Variants in WDPCP observed in about 807,000 individuals in gnomAD.
WDPCP encodes WD repeat containing planar cell polarity effector.
WDPCP carries 71 observed loss-of-function variants against 93.1 expected under a neutral mutation model. That is an observed-to-expected ratio of 0.76 (90% CI 0.63 to 0.93). The LOEUF is 0.93. Ranked by LOEUF, WDPCP falls within the 40% of genes least tolerant of loss-of-function variation. The pLI is 0.00. For missense variants in WDPCP, 844 were observed against 887.4 expected (o/e 0.95, Z 0.62); for synonymous variants, 315 against 315.0 (o/e 1.00, Z 0.00).
chr2:63,335,653 T>C (rs1354269278), intron 12 of WDPCP, among the ~76,000 whole-genome samples: 1 of 152,120 alleles, frequency 6.6e-6, no homozygotes, highest in East Asian at 1.9e-4. Context: ...TTTTTGTGTG[T>C]TGATCCTGTA....
intron 15 of WDPCP, among the ~76,000 whole-genome samples, chr2:63,162,855 G>C (rs1301951222): frequency 6.6e-6 from 1 of 152,004 alleles, no homozygotes; most frequent in African/African-American, 2.4e-5. Flanking sequence ...TATAGATAAG[G>C]CTTTATACAT....
At chr2:63,169,363 T>C (rs1673216776) in intron 15 of WDPCP, among the ~76,000 whole-genome samples, 2 of 152,258 alleles carry the variant, frequency 1.3e-5, no homozygotes, top group Non-Finnish European at 2.9e-5. Context: ...CACTGAGTTT[T>C]TGAAAACTGT....
Position 63,329,780 on chromosome 2 carries a change from C to T in WDPCP, c.1749-16469G>A, listed in dbSNP as rs547046431. On this transcript the variant is annotated intron_variant, in intron 12 of 17. Coordinates refer to ENST00000272321, the MANE Select transcript of WDPCP (RefSeq NM_015910.7). ...ATTTCCCTAACTTTCTGGTAACCAC[C>T]ATCCTATTCTGTATTACTATGAGTG... 1.4e-4 allele frequency among the ~76,000 whole-genome samples: 22 copies of T among 152,234 alleles called. No homozygotes were observed. The East Asian group carries it at 4.1e-3, about 28-fold the overall frequency.
At chr2:63,144,259 TTTTTATTTTATTTTA>T (rs58606765) in intron 17 of WDPCP, among the ~76,000 whole-genome samples, 3,637 of 147,952 alleles carry the variant, frequency 0.025, 77 homozygotes, top group Non-Finnish European at 0.034. Flanking sequence ...GCATTTACCC[TTTTTATTTTATTTTA>T]TTTTATTTTA....
intron 2 of WDPCP, among the ~76,000 whole-genome samples, chr2:63,670,592 G>A (rs1455645837): frequency 6.6e-6 from 1 of 152,142 alleles, no homozygotes; most frequent in Non-Finnish European, 1.5e-5. Context: ...GTGCCCAAGG[G>A]TGAGTGTGTA....
chr2:63,453,886 T>C (rs1037660211), intron 6 of WDPCP, among the ~76,000 whole-genome samples: 27 of 141,256 alleles, frequency 1.9e-4, no homozygotes, highest in African/African-American at 5.7e-4. Flanking sequence ...TAGGTGGGAA[T>C]TGAACAATGA....
At chr2:63,309,691 T>C (rs978085336) in intron 13 of WDPCP, among the ~76,000 whole-genome samples, 17 of 152,168 alleles carry the variant, frequency 1.1e-4, no homozygotes, top group African/African-American at 3.9e-4. Context: ...ATATAAGACA[T>C]TTTCTAGGAT....
chr2:63,311,990 A>G (rs1450006899), intron 13 of WDPCP, among the ~76,000 whole-genome samples: 1 of 152,114 alleles, frequency 6.6e-6, no homozygotes, highest in African/African-American at 2.4e-5. Context: ...AGGTGGAGAT[A>G]AGGAAAAAAG....
At chr2:63,705,308 C>T (rs1669131119) in intron 2 of WDPCP, among the ~76,000 whole-genome samples, 1 of 152,274 alleles carries the variant, frequency 6.6e-6, no homozygotes, top group African/African-American at 2.4e-5. Context: ...TTCAGTTCTG[C>T]TCTGATCTTA....
intron 14 of WDPCP, among the ~76,000 whole-genome samples, chr2:63,226,842 G>T (rs1225265332): frequency 6.6e-6 from 1 of 151,784 alleles, no homozygotes; most frequent in Non-Finnish European, 1.5e-5. Context: ...GCACAACATG[G>T]TAACTATCTA....
chr2:63,553,662 G>T (rs1174113010), intron 1 of WDPCP, among the ~76,000 whole-genome samples: 2 of 151,912 alleles, frequency 1.3e-5, no homozygotes, highest in Non-Finnish European at 2.9e-5. Context: ...TTCTTGGTAA[G>T]TAGAGCATTC....
intron 14 of WDPCP, among the ~76,000 whole-genome samples, chr2:63,238,453 G>C (rs1030320701): frequency 2.6e-5 from 4 of 152,194 alleles, no homozygotes; most frequent in African/African-American, 9.6e-5. Context: ...AAATTTTAAA[G>C]AATGTGTACA....
At chr2:63,569,883 T>C (rs1707355080) in intron 1 of WDPCP, among the ~76,000 whole-genome samples, 1 of 152,196 alleles carries the variant, frequency 6.6e-6, no homozygotes, top group South Asian at 2.1e-4. Flanking sequence ...ATGGGTAGTT[T>C]TAAAACACCT....
At chr2:63,735,546 A>G (rs1669625584) in intron 2 of WDPCP, among the ~76,000 whole-genome samples, 1 of 152,160 alleles carries the variant, frequency 6.6e-6, no homozygotes, top group Non-Finnish European at 1.5e-5. Flanking sequence ...TAGCCAACAG[A>G]GAGCTATTAA....
chr2:63,184,828 T>C (rs1264664214), intron 14 of WDPCP, among the ~76,000 whole-genome samples: 1 of 152,162 alleles, frequency 6.6e-6, no homozygotes, highest in Non-Finnish European at 1.5e-5. Flanking sequence ...TGTTTTTTCT[T>C]CCCCCTCAGG....
At position 63,240,964 on chromosome 2, in the gene WDPCP, G is replaced by T. The variant is rs1182620746; in HGVS notation, c.1915+18343C>A. On this transcript the variant is annotated intron_variant, in intron 14 of 17. Coordinates refer to ENST00000272321, the MANE Select transcript of WDPCP (RefSeq NM_015910.7). ...CTAGTATTTCAGAATTCAAAAATAT[G>T]TTAAATAACATTTAAATTATGGAAA... Among the ~76,000 whole-genome samples the T allele has an allele frequency of 2.6e-5, 4 of 152,146 alleles. No homozygotes were observed. In the East Asian group the frequency reaches 7.7e-4, roughly 29 times the overall value.
intron 10 of WDPCP, among the ~76,000 whole-genome samples, chr2:63,394,906 T>C (rs1353831208): frequency 6.6e-6 from 1 of 151,932 alleles, no homozygotes; most frequent in East Asian, 1.9e-4. Flanking sequence ...GGTGGGAGGA[T>C]GGTAAGGATC....
intron 14 of WDPCP, among the ~76,000 whole-genome samples, chr2:63,243,930 A>G (rs886226619): frequency 6.6e-6 from 1 of 152,118 alleles, no homozygotes; most frequent in Non-Finnish European, 1.5e-5. Flanking sequence ...TCTCATCTGC[A>G]CACACAACAT....
chr2:63,533,514 C>G (rs954276084), intron 1 of WDPCP, among the ~76,000 whole-genome samples: 1 of 152,184 alleles, frequency 6.6e-6, no homozygotes, highest in Non-Finnish European at 1.5e-5. Context: ...AACAGTCTCT[C>G]AGACCACAGT....
Sources: allele counts gnomAD v4.1 joint callset (sites outside exome capture counted in the v4.1 genomes callset), GRCh38; gene constraint gnomAD v4.1.1; transcripts MANE v1.5; gene names NCBI Gene and HGNC (gene_info 2026-07-23, HGNC 2026-07-21).